ITPR1: variants seen among roughly 807,000 people sequenced by gnomAD.
ITPR1 encodes the protein inositol 1,4,5-trisphosphate-gated calcium channel ITPR1.
In ITPR1, 96 loss-of-function variants were observed where a neutral mutation model predicts 318.4. The ratio of observed to expected loss-of-function variants is 0.30; its 90% CI spans 0.26 to 0.36. ITPR1 has a LOEUF of 0.36. ITPR1 is among the 10% of genes least tolerant of loss of function. ITPR1 has a pLI of 1.00. For missense variants in ITPR1, 2,440 were observed against 3,460.2 expected (o/e 0.71, Z 7.40); for synonymous variants, 1,312 against 1,289.9 (o/e 1.02, Z -0.37).
In ITPR1 at chr3:4,806,228, C is replaced by T; in HGVS notation, c.7233C>T (p.Ala2411=). ...ATTTGTTGTATCTGGTGATCTGTGC[C>T]ATGGGGCTCTTTGTCCATGAATTCT... The part of the protein sequence containing the change: ...LYHLLYLVIC[A]MGLFVHEFFY... Residue 2411 remains alanine, a synonymous_variant, in exon 55 of 62, where the codon GCC becomes GCT. Transcript: ENST00000649015. 3 of 1,614,022 alleles carry T rather than the reference C, an allele frequency of 1.9e-6. No individual in the cohort carries two copies. The Middle Eastern group carries it at 4.9e-4, about 266-fold the overall frequency.
intron 61 of ITPR1, among the ~76,000 whole-genome samples, chr3:4,840,144 AT>A (rs1268039985): frequency 6.7e-6 from 1 of 148,396 alleles, no homozygotes; most frequent in African/African-American, 2.5e-5. Context: ...CCTTTAATGC[AT>A]TTGAGAATCA....
chr3:4,652,098 T>C (rs768096391), intron 10 of ITPR1, 25 bp from the exon 11 acceptor site: 4 of 1,562,148 alleles, frequency 2.6e-6, no homozygotes, highest in East Asian at 2.3e-5. Flanking sequence ...GACATTTCAT[T>C]GACTCCTGTT....
At chr3:4,821,470 G>C (rs1334573591) in intron 60 of ITPR1, among the ~76,000 whole-genome samples, 1 of 152,208 alleles carries the variant, frequency 6.6e-6, no homozygotes, top group Non-Finnish European at 1.5e-5. Flanking sequence ...GATGGCAAAT[G>C]GGTTTTCATC....
intron 52 of ITPR1, among the ~76,000 whole-genome samples, chr3:4,791,751 C>G (rs1185937177): frequency 2.0e-5 from 3 of 152,186 alleles, no homozygotes; most frequent in Non-Finnish European, 4.4e-5. Context: ...GAGCTGTAAT[C>G]AAGCATTGAC....
At chr3:4,840,614 AG>A (rs1283738680) in intron 61 of ITPR1, among the ~76,000 whole-genome samples, 3 of 152,172 alleles carry the variant, frequency 2.0e-5, no homozygotes, top group African/African-American at 7.2e-5. Context: ...GAGGGAAAAA[AG>A]TTCTTGTTAG....
At chr3:4,528,265 C>T (rs766560730) in intron 4 of ITPR1, among the ~76,000 whole-genome samples, 3 of 152,242 alleles carry the variant, frequency 2.0e-5, no homozygotes, top group South Asian at 2.1e-4. Flanking sequence ...GGCAGGTTAA[C>T]GTTAGAAGCC....
At chr3:4,719,896 AT>A (rs35062185) in intron 40 of ITPR1, among the ~76,000 whole-genome samples, 20,960 of 152,066 alleles carry the variant, frequency 0.14, 1,527 homozygotes, top group Non-Finnish European at 0.16. Context: ...ATTTTTCTTA[AT>A]CCCCTGGGGC....
intron 60 of ITPR1, among the ~76,000 whole-genome samples, chr3:4,830,566 T>C (rs191397340): frequency 1.3e-5 from 2 of 152,246 alleles, no homozygotes; most frequent in Admixed American, 1.3e-4. Flanking sequence ...CCTCCTGACA[T>C]TTTCTGAGGG....
intron 4 of ITPR1, among the ~76,000 whole-genome samples, chr3:4,608,938 G>C (rs182812726): frequency 6.9e-6 from 1 of 145,456 alleles, no homozygotes; most frequent in Non-Finnish European, 1.5e-5. Context: ...GGAGGTAGAG[G>C]TTGCAGTGAG....
intron 31 of ITPR1, among the ~76,000 whole-genome samples, chr3:4,689,757 T>G (rs1172509385): frequency 6.6e-6 from 1 of 152,196 alleles, no homozygotes; most frequent in Non-Finnish European, 1.5e-5. Context: ...TTCATGGCTG[T>G]GTGGTAAGCA....
At chr3:4,656,424 G>T (rs751024319) in intron 12 of ITPR1, among the ~76,000 whole-genome samples, 9 of 152,202 alleles carry the variant, frequency 5.9e-5, no homozygotes, top group Non-Finnish European at 1.3e-4. Context: ...CTCCTAAACT[G>T]CAGTTGTAGA....
At chr3:4,751,400 G>C (rs1427440783) in intron 44 of ITPR1, 1 of 152,230 alleles carries the variant, frequency 6.6e-6, no homozygotes, top group African/African-American at 2.4e-5. Flanking sequence ...TGGCCGGCCT[G>C]GTGGTGGCCA....
At chr3:4,827,950 G>C (rs1361970606) in intron 60 of ITPR1, among the ~76,000 whole-genome samples, 4 of 152,016 alleles carry the variant, frequency 2.6e-5, no homozygotes, top group Non-Finnish European at 5.9e-5. Flanking sequence ...AAGTCCTGTA[G>C]ATGGCGAGAC....
At chr3:4,800,321 C>T (rs1176086621) in intron 53 of ITPR1, 104 bp from the exon 54 acceptor site, 5 of 1,233,240 alleles carry the variant, frequency 4.1e-6, no homozygotes, top group Non-Finnish European at 3.4e-6. Flanking sequence ...GACTGGTAAG[C>T]CAAAAAAGTT....
At chr3:4,685,257 T>C in intron 30 of ITPR1, 51 bp downstream of exon 30, 1 of 1,524,106 alleles carries the variant, frequency 6.6e-7, no homozygotes, top group Non-Finnish European at 8.8e-7. Context: ...GGCGGATCCC[T>C]GGGTTTCCCC....
intron 4 of ITPR1, among the ~76,000 whole-genome samples, chr3:4,555,945 C>G (rs548304474): frequency 1.1e-4 from 16 of 152,288 alleles, no homozygotes; most frequent in Admixed American, 8.5e-4. Context: ...GATTTGCACA[C>G]AAGCACTTCA....
At chr3:4,728,720 A>G (rs2042699951) in intron 42 of ITPR1, among the ~76,000 whole-genome samples, 2 of 152,190 alleles carry the variant, frequency 1.3e-5, no homozygotes, top group Non-Finnish European at 2.9e-5. Flanking sequence ...GGTACCCATT[A>G]ACCATCCCCA....
At chr3:4,776,407 A>T (rs897828783) in intron 47 of ITPR1, among the ~76,000 whole-genome samples, 1 of 152,124 alleles carries the variant, frequency 6.6e-6, no homozygotes, top group South Asian at 2.1e-4. Context: ...GCTTCATCCT[A>T]ACTGGAGAGA....
intron 54 of ITPR1, among the ~76,000 whole-genome samples, chr3:4,804,448 G>A (rs1037663481): frequency 1.3e-5 from 2 of 152,222 alleles, no homozygotes; most frequent in African/African-American, 2.4e-5. Context: ...GAGAGGTGGG[G>A]ATGGAAGCCA....
Sources: allele counts gnomAD v4.1 joint callset (sites outside exome capture counted in the v4.1 genomes callset), GRCh38; gene constraint gnomAD v4.1.1; transcripts MANE v1.5; gene names NCBI Gene and HGNC (gene_info 2026-07-23, HGNC 2026-07-21).